The following C12orf54 variants were observed in gnomAD, a reference collection of about 807,000 sequenced individuals.
C12orf54 encodes chromosome 12 open reading frame 54.
C12orf54 carries 24 observed loss-of-function variants against 26.4 expected under a neutral mutation model. The observed-to-expected ratio is 0.91, with a 90% CI of 0.66 to 1.28. The LOEUF is 1.28. Among genes scored for constraint, C12orf54 ranks in the 50% most tolerant of loss-of-function variants. The pLI is 0.00. For synonymous variants in C12orf54, 54 were observed against 47.0 expected, an observed-to-expected ratio of 1.15 and a Z score of -0.61; for missense variants, 154 against 150.9, an observed-to-expected ratio of 1.02 and a Z score of -0.11.
At chr12:48,488,834 A>G (rs888834332) in intron 4 of C12orf54, 90 bp from the exon 5 acceptor site, 6 of 1,094,654 alleles carry the variant, frequency 5.5e-6, no homozygotes, top group Admixed American at 1.8e-5. Flanking sequence ...TGGCTAGGAG[A>G]CTAGGTAACT....
At chr12:48,487,983 A>C (rs1392133297) in intron 4 of C12orf54, 2 of 789,326 alleles carry the variant, frequency 2.5e-6, no homozygotes, top group Non-Finnish European at 4.5e-6. Flanking sequence ...GCCATTTATG[A>C]ACTCCTTTTT....
chr12:48,439,997 C>T, the C12orf54 span, among the ~76,000 whole-genome samples: 2 of 152,042 alleles, frequency 1.3e-5, no homozygotes, highest in African/African-American at 2.4e-5. Context: ...GGCTGATGTG[C>T]GTGGATGGCC....
At chr12:48,445,021 A>G in the C12orf54 span, among the ~76,000 whole-genome samples, 1 of 152,140 alleles carries the variant, frequency 6.6e-6, no homozygotes, top group Non-Finnish European at 1.5e-5. Flanking sequence ...AAATACAAAA[A>G]TTAGCCAGGC....
At chr12:48,484,962 C>T (rs896076520) in intron 2 of C12orf54, among the ~76,000 whole-genome samples, 2 of 152,216 alleles carry the variant, frequency 1.3e-5, no homozygotes, top group African/African-American at 4.8e-5. Flanking sequence ...AGCACTCCAG[C>T]TGGCAGAATT....
the C12orf54 span, among the ~76,000 whole-genome samples, chr12:48,455,378 T>C: frequency 6.6e-6 from 1 of 152,226 alleles, no homozygotes; most frequent in East Asian, 1.9e-4. Flanking sequence ...TCCATGTCTT[T>C]GCTATTGTGA....
the C12orf54 span, among the ~76,000 whole-genome samples, chr12:48,434,401 T>A: frequency 6.6e-6 from 1 of 152,154 alleles, no homozygotes; most frequent in Non-Finnish European, 1.5e-5. Context: ...GTCTGACAGC[T>A]TTGAAGAGAG....
At chr12:48,443,402 T>C in the C12orf54 span, among the ~76,000 whole-genome samples, 1 of 152,076 alleles carries the variant, frequency 6.6e-6, no homozygotes, top group Non-Finnish European at 1.5e-5. Flanking sequence ...GGCGAGCAGA[T>C]TTGGTGTTGG....
the C12orf54 span, among the ~76,000 whole-genome samples, chr12:48,441,456 G>A: frequency 1.2e-4 from 18 of 151,850 alleles, no homozygotes; most frequent in African/African-American, 2.9e-4. Context: ...AAAAGAGGCC[G>A]TCTTAAAAGA....
At chr12:48,469,719 A>G in the C12orf54 span, among the ~76,000 whole-genome samples, 5 of 152,214 alleles carry the variant, frequency 3.3e-5, no homozygotes, top group African/African-American at 1.2e-4. Flanking sequence ...TGCAGTAAAG[A>G]CAGGTGTAAG....
intron 7 of C12orf54, among the ~76,000 whole-genome samples, chr12:48,493,673 T>TTAATGAAAGTTAATTTTCAA (rs1937842919): frequency 7.4e-6 from 1 of 135,700 alleles, no homozygotes; most frequent in Non-Finnish European, 1.6e-5. Context: ...AAGAAAGTTA[T>TTAATGAAAGTTAATTTTCAA]AAAGAAAATT....
upstream of C12orf54, among the ~76,000 whole-genome samples, chr12:48,479,603 G>GTT (rs201487358): frequency 6.2e-5 from 9 of 145,670 alleles, no homozygotes; most frequent in African/African-American, 2.0e-4. Context: ...GTTTTGTTTT[G>GTT]TTTTTTTTTT....
the C12orf54 span, among the ~76,000 whole-genome samples, chr12:48,421,545 TGGA>T: frequency 9.1e-6 from 1 of 110,486 alleles, no homozygotes; most frequent in Non-Finnish European, 1.8e-5. Flanking sequence ...TTTTTTTAGA[TGGA>T]GGATGGAGTC....
chr12:48,477,933 A>C (rs56050853), upstream of C12orf54, among the ~76,000 whole-genome samples: 614 of 152,328 alleles, frequency 4.0e-3, no homozygotes, highest in Non-Finnish European at 6.5e-3. Flanking sequence ...AGCCTGGCAG[A>C]GACACAACCG....
At chr12:48,427,111 T>G in the C12orf54 span, among the ~76,000 whole-genome samples, 1 of 152,164 alleles carries the variant, frequency 6.6e-6, no homozygotes, top group African/African-American at 2.4e-5. Flanking sequence ...CTTCCAATAC[T>G]ATGTTGAATA....
chr12:48,449,574 G>A, the C12orf54 span, among the ~76,000 whole-genome samples: 15 of 152,226 alleles, frequency 9.9e-5, no homozygotes, highest in African/African-American at 3.4e-4. Context: ...GTATATTTAA[G>A]TAAAAGTTTT....
At chr12:48,491,536 C>T (rs936883510) in intron 6 of C12orf54, among the ~76,000 whole-genome samples, 4 of 152,162 alleles carry the variant, frequency 2.6e-5, no homozygotes, top group African/African-American at 9.7e-5. Flanking sequence ...GGCCTGAGAA[C>T]ACTCTCATGC....
At chr12:48,457,945 C>G in the C12orf54 span, among the ~76,000 whole-genome samples, 1 of 152,276 alleles carries the variant, frequency 6.6e-6, no homozygotes, top group Non-Finnish European at 1.5e-5. Context: ...GCAGCTTCTC[C>G]CTCCTCTGAC....
chr12:48,449,793 T>C, the C12orf54 span, among the ~76,000 whole-genome samples: 1 of 152,164 alleles, frequency 6.6e-6, no homozygotes. Context: ...ATGATATGAT[T>C]TGGCTGTGTC....
chr12:48,466,936 C>T, the C12orf54 span, among the ~76,000 whole-genome samples: 8 of 151,962 alleles, frequency 5.3e-5, no homozygotes, highest in African/African-American at 1.9e-4. Context: ...CCAAAATGTC[C>T]ATCAACAGGT....
Sources: allele counts gnomAD v4.1 joint callset (sites outside exome capture counted in the v4.1 genomes callset), GRCh38; gene constraint gnomAD v4.1.1; transcripts MANE v1.5; gene names NCBI Gene and HGNC (gene_info 2026-07-23, HGNC 2026-07-21).